The following RBFOX1 variants were observed in gnomAD, a reference collection of about 807,000 sequenced individuals.
RBFOX1 encodes the protein RNA binding protein fox-1 homolog 1.
A neutral mutation model predicts 57.7 loss-of-function variants in RBFOX1; 8 were observed. The observed-to-expected ratio is 0.14, with a 90% CI of 0.08 to 0.25. The LOEUF (loss-of-function observed/expected upper bound fraction) is 0.25, where lower values mean the gene tolerates loss of function less well. Among genes scored for constraint, RBFOX1 ranks in the 10% least tolerant of loss-of-function variants. The pLI, the probability that RBFOX1 is intolerant of heterozygous loss-of-function variation, is 1.00. For synonymous variants in RBFOX1, 326 were observed against 222.4 expected, an observed-to-expected ratio of 1.47 and a Z score of -4.15; for missense variants, 611 against 548.5, an observed-to-expected ratio of 1.11 and a Z score of -1.14.
intron 1 of RBFOX1, among the ~76,000 whole-genome samples, chr16:6,052,774 A>C (rs887525979): frequency 2.0e-5 from 3 of 149,798 alleles, no homozygotes; most frequent in African/African-American, 7.4e-5. Flanking sequence ...ACAGAGCGAG[A>C]CTCCGTCTCA....
At chr16:7,207,248 A>T (rs1385063451) in intron 4 of RBFOX1, among the ~76,000 whole-genome samples, 1 of 152,132 alleles carries the variant, frequency 6.6e-6, no homozygotes, top group South Asian at 2.1e-4. Flanking sequence ...GCCGGGCGTT[A>T]TGGGGGTTCC....
At chr16:6,954,789 T>A (rs1195624082) in intron 3 of RBFOX1, among the ~76,000 whole-genome samples, 1 of 152,148 alleles carries the variant, frequency 6.6e-6, no homozygotes, top group Non-Finnish European at 1.5e-5. Flanking sequence ...AGCACCCAGT[T>A]TGAAGGCAGG....
chr16:7,007,069 G>C (rs2093347617), intron 3 of RBFOX1, among the ~76,000 whole-genome samples: 1 of 152,192 alleles, frequency 6.6e-6, no homozygotes, highest in African/African-American at 2.4e-5. Flanking sequence ...TACACTGTGA[G>C]TTTTTCTCAA....
At chr16:5,854,088 C>G (rs901695670) in intron 3 of RBFOX1, among the ~76,000 whole-genome samples, 1 of 152,194 alleles carries the variant, frequency 6.6e-6, no homozygotes, top group Non-Finnish European at 1.5e-5. Flanking sequence ...TTAAGGTTAA[C>G]AGTATGTTTT....
At chr16:5,753,851 T>G (rs2053301706) in intron 3 of RBFOX1, among the ~76,000 whole-genome samples, 1 of 151,622 alleles carries the variant, frequency 6.6e-6, no homozygotes. Context: ...ATATAGAGTT[T>G]TCATTGAAAA....
At chr16:6,992,256 C>T (rs1020419578) in intron 3 of RBFOX1, among the ~76,000 whole-genome samples, 6 of 151,998 alleles carry the variant, frequency 3.9e-5, no homozygotes, top group African/African-American at 1.2e-4. Flanking sequence ...CTCTGCCTCC[C>T]GGATTCAAGG....
At chr16:6,735,339 A>G (rs780323096) in intron 3 of RBFOX1, among the ~76,000 whole-genome samples, 1 of 152,224 alleles carries the variant, frequency 6.6e-6, no homozygotes, top group African/African-American at 2.4e-5. Context: ...AAACCTGGTT[A>G]CTTAGTGCCG....
At chr16:5,399,684 C>T (rs1393892631) in intron 1 of RBFOX1, among the ~76,000 whole-genome samples, 1 of 151,930 alleles carries the variant, frequency 6.6e-6, no homozygotes, top group Non-Finnish European at 1.5e-5. Context: ...TGCAGTGACC[C>T]ATGCTTGCAT....
intron 4 of RBFOX1, chr16:7,332,830 G>C (rs974626716): frequency 4.2e-6 from 6 of 1,432,698 alleles, no homozygotes; most frequent in Non-Finnish European, 5.5e-6. Flanking sequence ...ATTAAGAGTT[G>C]CTGATGCGGA....
chr16:5,389,361 C>A (rs1020020471), intron 1 of RBFOX1, among the ~76,000 whole-genome samples: 7 of 152,142 alleles, frequency 4.6e-5, no homozygotes, highest in Non-Finnish European at 2.9e-5. Context: ...GGGGCTGGAT[C>A]ATTCTGTTGT....
chr16:6,580,493 C>T (rs897816850), intron 2 of RBFOX1, among the ~76,000 whole-genome samples: 12 of 152,084 alleles, frequency 7.9e-5, no homozygotes, highest in East Asian at 3.9e-4. Context: ...TTAAAAACTC[C>T]GTAAGACATA....
At chr16:6,981,995 G>A (rs1280549687) in intron 3 of RBFOX1, among the ~76,000 whole-genome samples, 8 of 152,154 alleles carry the variant, frequency 5.3e-5, no homozygotes, top group Admixed American at 5.2e-4. Flanking sequence ...CAAATAGTGT[G>A]TAATACAATT....
At chr16:7,020,363 T>A (rs767417992) in intron 3 of RBFOX1, among the ~76,000 whole-genome samples, 15 of 151,926 alleles carry the variant, frequency 9.9e-5, no homozygotes, top group Non-Finnish European at 1.9e-4. Context: ...GTAGCTGGGA[T>A]TACAGGCTGC....
intron 1 of RBFOX1, among the ~76,000 whole-genome samples, chr16:6,243,525 A>G (rs577121188): frequency 6.6e-5 from 10 of 152,048 alleles, no homozygotes; most frequent in Non-Finnish European, 1.3e-4. Flanking sequence ...CTTCTGTGTT[A>G]TCCTGCCCAA....
At chr16:6,502,706 C>A (rs1170441238) in intron 2 of RBFOX1, among the ~76,000 whole-genome samples, 1 of 152,070 alleles carries the variant, frequency 6.6e-6, no homozygotes, top group Non-Finnish European at 1.5e-5. Flanking sequence ...TTTGCCATTA[C>A]CACCGGACCC....
intron 4 of RBFOX1, among the ~76,000 whole-genome samples, chr16:7,292,712 C>T (rs887918043): frequency 1.1e-4 from 17 of 151,856 alleles, no homozygotes; most frequent in African/African-American, 3.1e-4. Flanking sequence ...CAGCCAGGGA[C>T]ATATATAGTC....
At chr16:6,952,616 C>G (rs914968650) in intron 3 of RBFOX1, among the ~76,000 whole-genome samples, 2 of 151,166 alleles carry the variant, frequency 1.3e-5, no homozygotes, top group Non-Finnish European at 2.9e-5. Context: ...ACAGCCTGGG[C>G]AACAGAGCAA....
intron 2 of RBFOX1, among the ~76,000 whole-genome samples, chr16:5,533,342 G>C (rs904058682): frequency 4.3e-4 from 66 of 152,278 alleles, no homozygotes; most frequent in African/African-American, 1.5e-3. Context: ...ATTTCAAAAG[G>C]AAAGGTGCCC....
chr16:6,816,362 A>G (rs555153491), intron 3 of RBFOX1, among the ~76,000 whole-genome samples: 1 of 152,170 alleles, frequency 6.6e-6, no homozygotes, highest in African/African-American at 2.4e-5. Flanking sequence ...CTGTTGAAAA[A>G]GCCTTTTAGA....
Sources: allele counts gnomAD v4.1 joint callset (sites outside exome capture counted in the v4.1 genomes callset), GRCh38; gene constraint gnomAD v4.1.1; transcripts MANE v1.5; gene names NCBI Gene and HGNC (gene_info 2026-07-23, HGNC 2026-07-21).